The following AMOT variants were observed in gnomAD, a reference collection of about 807,000 sequenced individuals.
The protein encoded by AMOT is angiomotin.
In AMOT, 11 loss-of-function variants were observed where a neutral mutation model predicts 67.0. The observed-to-expected ratio is 0.16, with a 90% CI of 0.10 to 0.27. The LOEUF (loss-of-function observed/expected upper bound fraction) is 0.27, where lower values mean the gene tolerates loss of function less well. Ranked by LOEUF, AMOT falls within the 10% of genes least tolerant of loss-of-function variation. The pLI is 1.00. For synonymous variants in AMOT, 326 were observed against 321.4 expected (o/e 1.01, Z -0.15); for missense variants, 753 against 852.0 (o/e 0.88, Z 1.45).
intron 1 of AMOT, among the ~76,000 whole-genome samples, chrX:112,837,840 C>T (rs1162994547): frequency 1.8e-5 from 2 of 111,682 alleles, no homozygotes; most frequent in Non-Finnish European, 3.8e-5. Flanking sequence ...TAGTCCCCAG[C>T]TAATTAACTT....
In AMOT at chrX:112,815,753, G is replaced by C; in HGVS notation, c.997C>G (p.Pro333Ala). 3.4e-6 allele frequency: 4 copies of C among 1,167,725 alleles called. No homozygotes were observed. Among genetic ancestry groups the C allele is most frequent in the Non-Finnish European group, 4.6e-6 (4 of 873,067 alleles). Reference sequence around the variant, plus strand: ...TTTGGGACCAAGGGGTGTCGGGCAGGAGACAATCTAGTGGATGGTGGAGAT... The same window carrying C: ...TTTGGGACCAAGGGGTGTCGGGCAGCAGACAATCTAGTGGATGGTGGAGAT... ...LQSPPSTRLS[P>A]ARHPLVPNQG... is the part of the protein sequence containing the mutation. The change falls in exon 5 of 14, where the codon CCT (proline) becomes GCT (alanine). Residue 333 changes from proline to alanine, a missense_variant. By Grantham distance (27) the Pro-to-Ala change is conservative (BLOSUM62 -1). Coordinates refer to ENST00000371959, the MANE Select transcript of AMOT (RefSeq NM_001113490.2).
At chrX:112,795,197 C>T (rs1347779760) in intron 8 of AMOT, among the ~76,000 whole-genome samples, 1 of 110,755 alleles carries the variant, frequency 9.0e-6, no homozygotes, top group Non-Finnish European at 1.9e-5. Flanking sequence ...AACAAATTCT[C>T]TTTCTCTCTC....
intron 8 of AMOT, among the ~76,000 whole-genome samples, chrX:112,801,850 T>C (rs183416026): frequency 8.9e-6 from 1 of 112,468 alleles, no homozygotes; most frequent in African/African-American, 3.2e-5. Context: ...CTGAGAAAAA[T>C]AGTCTCCTGA....
intron 5 of AMOT, among the ~76,000 whole-genome samples, chrX:112,812,898 A>G (rs1014254896): frequency 2.7e-5 from 3 of 112,660 alleles, no homozygotes; most frequent in Non-Finnish European, 5.6e-5. Flanking sequence ...CACAGAAAAG[A>G]GCAGACTCAA....
rs1217757912 is a variant in AMOT, at chrX:112,782,562, G to A, written c.2218C>T (p.Arg740Cys). Residue 740 changes from arginine to cysteine, a missense_variant, in exon 11 of 14, where the codon CGT (arginine) becomes TGT (cysteine). Coordinates refer to ENST00000371959, the MANE Select transcript of AMOT (RefSeq NM_001113490.2). ...TACCTGCCCTCCATGTCAAGGCAAC[G>A]CTTATTGGCCATCAAGATTTCTTCC... ...EEEEILMANK[R>C]CLDMEGRIKT... is the part of the protein sequence containing the mutation. The A allele has an allele frequency of 5.8e-6, 7 of 1,211,476 alleles. No homozygotes were observed. The highest frequency in any genetic ancestry group is 7.8e-6 in the Non-Finnish European group (7 of 895,353).
chrX:112,816,022 G>T, intron 4 of AMOT, 145 bp from the exon 5 acceptor site: 1 of 844,903 alleles, frequency 1.2e-6, no homozygotes, highest in Non-Finnish European at 1.6e-6. Flanking sequence ...CTATGGGGAA[G>T]TCTAACCCTG....
intron 10 of AMOT, among the ~76,000 whole-genome samples, chrX:112,784,710 T>G (rs1933312269): frequency 8.9e-6 from 1 of 112,474 alleles, no homozygotes; most frequent in Non-Finnish European, 1.9e-5. Context: ...GATTCTGACT[T>G]GAAAGAATTC....
intron 4 of AMOT, among the ~76,000 whole-genome samples, chrX:112,820,859 C>T (rs1168221549): frequency 2.7e-5 from 3 of 109,891 alleles, no homozygotes; most frequent in Non-Finnish European, 5.7e-5. Context: ...ACCCCATTTC[C>T]TGTTCCAAGA....
intron 8 of AMOT, among the ~76,000 whole-genome samples, chrX:112,800,698 TAGTA>T (rs1398718290): frequency 9.0e-6 from 1 of 111,049 alleles, no homozygotes; most frequent in African/African-American, 3.3e-5. Flanking sequence ...CAAATCAAAT[TAGTA>T]AGAGATCCAG....
At chrX:112,785,188 T>G (rs996669498) in intron 10 of AMOT, among the ~76,000 whole-genome samples, 1 of 112,067 alleles carries the variant, frequency 8.9e-6, no homozygotes, top group African/African-American at 3.2e-5. Context: ...GATCTGAAAA[T>G]AAAACCTGCA....
chrX:112,790,535 T>A, intron 10 of AMOT, 57 bp downstream of exon 10: 1 of 1,084,670 alleles, frequency 9.2e-7, no homozygotes, highest in Non-Finnish European at 1.2e-6. Context: ...TGGAAAAATC[T>A]ATGAATCAGT....
chrX:112,797,822 G>A (rs1325314189), intron 8 of AMOT, among the ~76,000 whole-genome samples: 2 of 104,381 alleles, frequency 1.9e-5, no homozygotes, highest in Admixed American at 2.1e-4. Flanking sequence ...GAAAGAGAGA[G>A]GAAGAAGAAG....
rs756876387 is a variant in AMOT at position 112,797,451 on chromosome X, C to G, written c.1777-5470G>C. Among the ~76,000 whole-genome samples, 148 of 111,499 alleles carry G rather than the reference C, an allele frequency of 1.3e-3. 1 individual carries two copies. Among genetic ancestry groups the G allele is most frequent in the Middle Eastern group, 4.6e-3 (1 of 216 alleles). ...ACCCATGAGTCCATCCTATAGACAG[C>G]TGCTATAACAGACTTCCTGAAATAG... On this transcript the variant is annotated intron_variant, in intron 8 of 13. Coordinates refer to ENST00000371959, the MANE Select transcript of AMOT (RefSeq NM_001113490.2).
intron 1 of AMOT, among the ~76,000 whole-genome samples, chrX:112,833,519 C>A (rs1935054856): frequency 1.0e-5 from 1 of 98,746 alleles, no homozygotes; most frequent in African/African-American, 4.0e-5. Flanking sequence ...GCTTCAAAAA[C>A]TGTTTGCTTT....
intron 10 of AMOT, among the ~76,000 whole-genome samples, chrX:112,784,342 G>C (rs1044712258): frequency 8.9e-6 from 1 of 112,416 alleles, no homozygotes; most frequent in African/African-American, 3.2e-5. Context: ...CCTGCTCTAA[G>C]CATGCCGCTT....
chrX:112,829,599 A>T (rs1934935299), intron 2 of AMOT, among the ~76,000 whole-genome samples: 1 of 112,266 alleles, frequency 8.9e-6, no homozygotes, highest in African/African-American at 3.2e-5. Flanking sequence ...ATTATTTTTG[A>T]ACACCCTATT....
chrX:112,820,297 CAGAA>C (rs1305777567), intron 4 of AMOT, among the ~76,000 whole-genome samples: 5 of 110,607 alleles, frequency 4.5e-5, no homozygotes, highest in Non-Finnish European at 7.6e-5. Flanking sequence ...CTTTTGAGGA[CAGAA>C]AGAAAGAGAA....
chrX:112,836,862 A>G (rs1010759485), intron 1 of AMOT, among the ~76,000 whole-genome samples: 8 of 91,610 alleles, frequency 8.7e-5, no homozygotes, highest in Non-Finnish European at 2.2e-5. Flanking sequence ...CTGGCTCTCA[A>G]AATTACCCTG....
At chrX:112,798,316 T>C (rs1933904095) in intron 8 of AMOT, among the ~76,000 whole-genome samples, 1 of 112,864 alleles carries the variant, frequency 8.9e-6, no homozygotes, top group South Asian at 3.7e-4. Flanking sequence ...CTTCTCATCA[T>C]GTGTACTCTA....
Sources: allele counts gnomAD v4.1 joint callset (sites outside exome capture counted in the v4.1 genomes callset), GRCh38; gene constraint gnomAD v4.1.1; transcripts MANE v1.5; gene names NCBI Gene and HGNC (gene_info 2026-07-23, HGNC 2026-07-21).